HMCN1: variants seen among roughly 807,000 people sequenced by gnomAD.
HMCN1 encodes the protein hemicentin-1.
HMCN1 carries 321 observed loss-of-function variants against 625.9 expected under a neutral mutation model. That is an observed-to-expected ratio of 0.51 (90% CI 0.47 to 0.56). The LOEUF is 0.56. HMCN1 is among the 20% of genes least tolerant of loss of function. HMCN1 has a pLI of 0.00. For synonymous variants in HMCN1, 2,425 were observed against 2,417.6 expected (o/e 1.00, Z -0.09); for missense variants, 6,588 against 6,887.3 (o/e 0.96, Z 1.54).
intron 11 of HMCN1, 57 bp downstream of exon 11, chr1:185,933,881 AT>A: frequency 6.5e-7 from 1 of 1,536,834 alleles, no homozygotes; most frequent in Non-Finnish European, 9.0e-7. Context: ...TATTTTTAAA[AT>A]TTTTGTCCTC....
At chr1:185,950,826 A>G (rs1668617296) in intron 11 of HMCN1, among the ~76,000 whole-genome samples, 2 of 151,870 alleles carry the variant, frequency 1.3e-5, no homozygotes, top group African/African-American at 4.9e-5. Context: ...TATTGAGGAT[A>G]GGAGAGTATA....
intron 15 of HMCN1, among the ~76,000 whole-genome samples, chr1:185,975,795 T>C (rs796464870): frequency 1.3e-4 from 20 of 152,160 alleles, no homozygotes; most frequent in African/African-American, 4.8e-4. Context: ...TTTAATTTTG[T>C]TTAGGTTCAA....
At chr1:185,908,675 C>T (rs1408228871) in intron 4 of HMCN1, among the ~76,000 whole-genome samples, 1 of 151,852 alleles carries the variant, frequency 6.6e-6, no homozygotes, top group East Asian at 1.9e-4. Flanking sequence ...GAATACACTA[C>T]TTGGTATTAA....
chr1:186,187,343 T>C (rs2102681742), intron 105 of HMCN1, among the ~76,000 whole-genome samples: 1 of 152,242 alleles, frequency 6.6e-6, no homozygotes, highest in East Asian at 1.9e-4. Flanking sequence ...TGTTTGTCTC[T>C]CTCAAGATCT....
At chr1:186,053,241 C>T (rs937343622) in intron 43 of HMCN1, among the ~76,000 whole-genome samples, 167 bp downstream of exon 43, 1 of 152,022 alleles carries the variant, frequency 6.6e-6, no homozygotes, top group African/African-American at 2.4e-5. Flanking sequence ...GATACTTCTA[C>T]ACTTCCCAGC....
chr1:186,189,484 G>A (rs1021833515), intron 106 of HMCN1, 28 bp from the exon 107 acceptor site: 4 of 1,611,106 alleles, frequency 2.5e-6, no homozygotes, highest in African/African-American at 1.3e-5. Context: ...AGATAACTAT[G>A]TGTATTTGAT....
intron 46 of HMCN1, among the ~76,000 whole-genome samples, chr1:186,060,969 A>G (rs142004950): frequency 1.4e-4 from 21 of 152,214 alleles, no homozygotes; most frequent in African/African-American, 4.8e-4. Context: ...AGTGAGTGCA[A>G]TAAAATCTAA....
At chr1:185,805,672 T>A (rs1038918880) in intron 1 of HMCN1, among the ~76,000 whole-genome samples, 7 of 152,322 alleles carry the variant, frequency 4.6e-5, no homozygotes, top group Non-Finnish European at 1.0e-4. Flanking sequence ...AGCAGGATTT[T>A]GCTGTAGTGT....
At chr1:185,956,616 C>T (rs997534249) in intron 11 of HMCN1, among the ~76,000 whole-genome samples, 5 of 152,102 alleles carry the variant, frequency 3.3e-5, no homozygotes, top group Non-Finnish European at 5.9e-5. Flanking sequence ...CTCTCTGAAC[C>T]CTGGCTTTTT....
chr1:186,182,189 C>T lies in HMCN1; in HGVS notation c.16316C>T (p.Thr5439Ile), dbSNP rs763891582. The T allele has an allele frequency of 6.2e-7, 1 of 1,613,192 alleles. No homozygotes were observed. The highest frequency in any genetic ancestry group is 1.7e-5 in the Admixed American group (1 of 59,992). Residue 5439 changes from threonine to isoleucine, a missense_variant, in exon 105 of 107, where the codon ACA (threonine) becomes ATA (isoleucine). Coordinates refer to ENST00000271588, the MANE Select transcript of HMCN1 (RefSeq NM_031935.3). Reference protein sequence around the residue: ...TCVDIDECENTDACQHECKNT... With the variant: ...TCVDIDECENIDACQHECKNT... ...ACAGATATTGATGAATGTGAAAATACAGATGCCTGCCAGCATGAGTGTAAG... is the reference window on the plus strand; with the variant it reads ...ACAGATATTGATGAATGTGAAAATATAGATGCCTGCCAGCATGAGTGTAAG...
intron 1 of HMCN1, among the ~76,000 whole-genome samples, chr1:185,794,922 A>G (rs1452177359): frequency 2.0e-5 from 3 of 152,192 alleles, no homozygotes. Context: ...TTGGGGTAGA[A>G]ATTTTTAGAT....
At position 185,842,143 on chromosome 1, in the gene HMCN1, G is replaced by C. The variant is rs140506876; in HGVS notation, c.269-3883G>C. On this transcript the variant is annotated intron_variant, in intron 1 of 106. Coordinates refer to ENST00000271588, the MANE Select transcript of HMCN1 (RefSeq NM_031935.3). The stretch of plus-strand genomic sequence containing the variant: ...CCTTACTACATAGTACTATAGTTGT[G>C]TATCTACACTTTTATCTCACTAGAC... Among the ~76,000 whole-genome samples, 70 of 152,128 alleles carry C rather than the reference G, an allele frequency of 4.6e-4. 2 individuals are homozygous for C. In the East Asian group the frequency reaches 9.3e-3, roughly 20 times the overall value.
chr1:186,107,846 C>G (rs557214699), intron 70 of HMCN1, among the ~76,000 whole-genome samples: 7 of 151,946 alleles, frequency 4.6e-5, no homozygotes, highest in Admixed American at 3.9e-4. Flanking sequence ...AAGAGTTGGG[C>G]CAGTTAGACT....
chr1:186,033,953 C>G (rs543666116), intron 36 of HMCN1, among the ~76,000 whole-genome samples: 7 of 152,164 alleles, frequency 4.6e-5, no homozygotes, highest in African/African-American at 1.7e-4. Flanking sequence ...TACTGGCATC[C>G]TGCCAAATTT....
chr1:186,093,317 G>A (rs1659948196), intron 65 of HMCN1, 59 bp downstream of exon 65: 3 of 1,607,214 alleles, frequency 1.9e-6, no homozygotes, highest in South Asian at 2.2e-5. Context: ...ACCAGTAGAA[G>A]TGAAGGCCCA....
At chr1:186,166,124 T>G in intron 98 of HMCN1, 60 bp from the exon 99 acceptor site, 1 of 1,601,148 alleles carries the variant, frequency 6.2e-7, no homozygotes, top group Non-Finnish European at 8.5e-7. Flanking sequence ...CTGGCTTTAA[T>G]AACTCCCAGA....
At chr1:186,114,310 G>T (rs1047045953) in intron 73 of HMCN1, among the ~76,000 whole-genome samples, 187 bp downstream of exon 73, 1 of 152,134 alleles carries the variant, frequency 6.6e-6, no homozygotes, top group Non-Finnish European at 1.5e-5. Context: ...AGGCTGGAGT[G>T]CAGTGGCATG....
chr1:186,008,346 C>T (rs1653773897), intron 30 of HMCN1, among the ~76,000 whole-genome samples: 1 of 152,054 alleles, frequency 6.6e-6, no homozygotes, highest in Admixed American at 6.6e-5. Flanking sequence ...ATAAACTACA[C>T]ACCAGATATC....
chr1:186,062,363 T>A (rs940341188), intron 47 of HMCN1, 151 bp from the exon 48 acceptor site: 148 of 659,266 alleles, frequency 2.2e-4, no homozygotes, highest in Non-Finnish European at 4.0e-4. Context: ...TTGATCAAAA[T>A]AATATTATGA....
Sources: gnomAD v4.1 joint callset for allele counts (sites outside exome capture counted in the v4.1 genomes callset) on GRCh38, gnomAD v4.1.1 for gene constraint, MANE v1.5 for transcripts, NCBI Gene and HGNC (gene_info 2026-07-23, HGNC 2026-07-21) for gene names.